Variants in C10orf90 observed in about 807,000 individuals in gnomAD.
C10orf90 encodes the protein (E2-independent) E3 ubiquitin-conjugating enzyme FATS.
A neutral mutation model predicts 62.5 loss-of-function variants in C10orf90; 56 were observed. The ratio of observed to expected loss-of-function variants is 0.90; its 90% confidence interval spans 0.72 to 1.12. The LOEUF (loss-of-function observed/expected upper bound fraction) is 1.12, where lower values mean the gene tolerates loss of function less well. C10orf90 is among the 50% of genes most tolerant of loss of function. The pLI is 0.00. For missense variants in C10orf90, 970 were observed against 880.4 expected (o/e 1.10, Z -1.29); for synonymous variants, 386 against 340.4 (o/e 1.13, Z -1.47).
chr10:126,657,075 G>A (rs1294613775), intron 1 of C10orf90, among the ~76,000 whole-genome samples: 6 of 152,240 alleles, frequency 3.9e-5, no homozygotes, highest in South Asian at 4.2e-4. Flanking sequence ...TGTGAGACCC[G>A]TGAATCTGCA....
intron 2 of C10orf90, among the ~76,000 whole-genome samples, chr10:126,587,898 C>CGGCT (rs1315375772): frequency 2.0e-5 from 3 of 152,184 alleles, no homozygotes; most frequent in African/African-American, 7.2e-5. Flanking sequence ...GTGAGCCATG[C>CGGCT]AGCCCCAGGA....
At chr10:126,636,285 C>A (rs144503962) in intron 2 of C10orf90, among the ~76,000 whole-genome samples, 4 of 152,126 alleles carry the variant, frequency 2.6e-5, no homozygotes, top group African/African-American at 9.7e-5. Context: ...CTCAGCCAGG[C>A]GTGGGCCTTC....
At chr10:126,583,855 C>G (rs1354154025) in intron 2 of C10orf90, among the ~76,000 whole-genome samples, 1 of 152,150 alleles carries the variant, frequency 6.6e-6, no homozygotes, top group Non-Finnish European at 1.5e-5. Flanking sequence ...GTGGCTTACA[C>G]CTATAATCCC....
intron 2 of C10orf90, among the ~76,000 whole-genome samples, chr10:126,568,541 AC>A (rs1844439788): frequency 6.6e-6 from 1 of 152,114 alleles, no homozygotes; most frequent in African/African-American, 2.4e-5. Context: ...AGTCAGACAC[AC>A]CCTGATAATC....
chr10:126,536,751 T>C (rs79548922), intron 2 of C10orf90, among the ~76,000 whole-genome samples: 1,685 of 152,308 alleles, frequency 0.011, 40 homozygotes, highest in African/African-American at 0.038. Flanking sequence ...ATAAAAATGT[T>C]TCCCATTCAA....
intron 2 of C10orf90, among the ~76,000 whole-genome samples, chr10:126,596,822 G>A (rs1845096335): frequency 6.6e-6 from 1 of 152,214 alleles, no homozygotes; most frequent in African/African-American, 2.4e-5. Context: ...ACCATCATAA[G>A]TTGGGGACTG....
intron 2 of C10orf90, among the ~76,000 whole-genome samples, chr10:126,538,979 T>G (rs1436808): frequency 0.65 from 99,217 of 152,126 alleles, 33,407 homozygotes; most frequent in African/African-American, 0.82. Flanking sequence ...GGTCCTTGGC[T>G]GATGGGCAAG....
chr10:126,581,854 T>C (rs1209661377), intron 2 of C10orf90, among the ~76,000 whole-genome samples: 1 of 152,182 alleles, frequency 6.6e-6, no homozygotes, highest in East Asian at 1.9e-4. Context: ...GCCTGTGGAC[T>C]GATTCGGACA....
At chr10:126,495,113 C>G (rs1861971543) in intron 4 of C10orf90, among the ~76,000 whole-genome samples, 1 of 152,238 alleles carries the variant, frequency 6.6e-6, no homozygotes, top group Non-Finnish European at 1.5e-5. Flanking sequence ...CTGACACTCA[C>G]AGTTACTCAT....
At chr10:126,474,623 G>C (rs528129495) in intron 4 of C10orf90, among the ~76,000 whole-genome samples, 2 of 152,184 alleles carry the variant, frequency 1.3e-5, no homozygotes, top group South Asian at 4.2e-4. Context: ...AAGAAATATC[G>C]CAAGTATGAA....
At chr10:126,619,324 C>T (rs1845601573) in intron 2 of C10orf90, among the ~76,000 whole-genome samples, 1 of 152,194 alleles carries the variant, frequency 6.6e-6, no homozygotes, top group South Asian at 2.1e-4. Context: ...GGTGTTGAAT[C>T]ACTTGGCATA....
intron 2 of C10orf90, among the ~76,000 whole-genome samples, chr10:126,553,161 A>G (rs1407287844): frequency 6.6e-6 from 1 of 152,188 alleles, no homozygotes; most frequent in Non-Finnish European, 1.5e-5. Flanking sequence ...AAAAGGATAA[A>G]TAATACTTAA....
intron 7 of C10orf90, among the ~76,000 whole-genome samples, chr10:126,438,168 C>G (rs1388668958): frequency 6.6e-6 from 1 of 152,156 alleles, no homozygotes; most frequent in Non-Finnish European, 1.5e-5. Flanking sequence ...CAAAGCTAGC[C>G]ACAGATGGAA....
At chr10:126,581,414 C>T (rs192290314) in intron 2 of C10orf90, among the ~76,000 whole-genome samples, 10 of 152,130 alleles carry the variant, frequency 6.6e-5, no homozygotes, top group East Asian at 1.9e-4. Flanking sequence ...GGCCCAGTGA[C>T]GTGGACTGCA....
intron 2 of C10orf90, among the ~76,000 whole-genome samples, chr10:126,583,122 T>G (rs1005531697): frequency 1.3e-5 from 2 of 152,204 alleles, no homozygotes; most frequent in African/African-American, 4.8e-5. Flanking sequence ...CTCCAGATAT[T>G]TTTGTCACAT....
At chr10:126,644,164 C>T (rs1453537473) in intron 2 of C10orf90, among the ~76,000 whole-genome samples, 3 of 152,212 alleles carry the variant, frequency 2.0e-5, no homozygotes, top group Non-Finnish European at 2.9e-5. Flanking sequence ...GTTCACCTTC[C>T]CCCACCTTAG....
At chr10:126,492,682 A>G (rs1349725276) in intron 4 of C10orf90, among the ~76,000 whole-genome samples, 2 of 152,226 alleles carry the variant, frequency 1.3e-5, no homozygotes, top group Non-Finnish European at 2.9e-5. Flanking sequence ...AACATTCAAT[A>G]TCTTTCTGAA....
chr10:126,468,301 C>G (rs1860398028), intron 4 of C10orf90, among the ~76,000 whole-genome samples: 1 of 152,224 alleles, frequency 6.6e-6, no homozygotes, highest in South Asian at 2.1e-4. Context: ...TCTCTTGACC[C>G]CGTGATCTGC....
intron 4 of C10orf90, among the ~76,000 whole-genome samples, chr10:126,483,684 G>A (rs1351265562): frequency 1.3e-5 from 2 of 152,208 alleles, no homozygotes; most frequent in Admixed American, 1.3e-4. Context: ...AGCTCTATAA[G>A]CATAGATTTC....
Sources: gnomAD v4.1 joint callset for allele counts (sites outside exome capture counted in the v4.1 genomes callset) on GRCh38, gnomAD v4.1.1 for gene constraint, MANE v1.5 for transcripts, NCBI Gene and HGNC (gene_info 2026-07-23, HGNC 2026-07-21) for gene names.